Variants in OTOG observed in about 807,000 individuals in gnomAD.
OTOG encodes otogelin.
In OTOG, 296 loss-of-function variants were observed where a neutral mutation model predicts 313.8. The ratio of observed to expected loss-of-function variants is 0.94; its 90% confidence interval spans 0.86 to 1.04. The LOEUF (loss-of-function observed/expected upper bound fraction) is 1.04. Among genes scored for constraint, OTOG ranks in the 50% least tolerant of loss-of-function variants. OTOG has a pLI of 0.00. For missense variants in OTOG, 3,948 were observed against 3,840.1 expected, an observed-to-expected ratio of 1.03 and a Z score of -0.74; for synonymous variants, 1,533 against 1,554.9, an observed-to-expected ratio of 0.99 and a Z score of 0.33.
At position 17,602,393 on chromosome 11, in the gene OTOG, G is replaced by C. The variant is rs1446704842; in HGVS notation, c.3877+16G>C. On this transcript the variant is annotated intron_variant, in intron 32 of 55. Transcript: ENST00000399397. Reference sequence around the variant, plus strand: ...AAGGCCCATGGTAAGGCCCATCCCAGTCCCACTCCAGCTCTTCTGGGAGGC... The same window carrying C: ...AAGGCCCATGGTAAGGCCCATCCCACTCCCACTCCAGCTCTTCTGGGAGGC... 1 of 1,545,162 alleles carries C rather than the reference G, an allele frequency of 6.5e-7. No individual in the cohort carries two copies. The highest frequency in any genetic ancestry group is 1.4e-5 in the African/African-American group (1 of 73,062).
At chr11:17,615,383 T>G (rs1590045157) in intron 39 of OTOG, among the ~76,000 whole-genome samples, 3 of 152,350 alleles carry the variant, frequency 2.0e-5, no homozygotes, top group Non-Finnish European at 4.4e-5. Flanking sequence ...TTTTTTCTTT[T>G]ATGAATCATG....
chr11:17,617,142 A>G (rs1853740867), intron 39 of OTOG, among the ~76,000 whole-genome samples: 1 of 152,032 alleles, frequency 6.6e-6, no homozygotes. Context: ...CACATTATTA[A>G]TTTGATGAAT....
intron 42 of OTOG, among the ~76,000 whole-genome samples, chr11:17,632,862 A>C (rs1854164227): frequency 6.6e-6 from 1 of 152,204 alleles, no homozygotes; most frequent in Non-Finnish European, 1.5e-5. Flanking sequence ...CAAGTAAAAG[A>C]GGAAAAGACA....
At chr11:17,547,886 A>C in intron 1 of OTOG, 41 bp from the exon 2 acceptor site, 1 of 443,266 alleles carries the variant, frequency 2.3e-6, no homozygotes, top group Non-Finnish European at 4.0e-6. Flanking sequence ...GCCCCAGTAA[A>C]GACAAGCACA....
At chr11:17,595,488 G>A (rs956884929) in intron 28 of OTOG, among the ~76,000 whole-genome samples, 2 of 152,134 alleles carry the variant, frequency 1.3e-5, no homozygotes, top group African/African-American at 4.8e-5. Context: ...GTCAGGACAC[G>A]GCCTGACTTG....
chr11:17,604,753 T>C (rs1282735821), intron 32 of OTOG, among the ~76,000 whole-genome samples: 5 of 152,234 alleles, frequency 3.3e-5, no homozygotes, highest in African/African-American at 9.6e-5. Flanking sequence ...CAGTAAATAT[T>C]TGCTGCTGAA....
rs1851949233 is a variant in OTOG at position 17,552,083 on chromosome 11, G to A, written c.292+8G>A. 5 of 1,550,218 alleles carry A rather than the reference G, an allele frequency of 3.2e-6. No individual in the cohort carries two copies. Among genetic ancestry groups the A allele is most frequent in the Non-Finnish European group, 4.4e-6 (5 of 1,146,624 alleles). On this transcript the variant is annotated splice_region_variant and intron_variant, in intron 4 of 55. Coordinates refer to ENST00000399397, the MANE Select transcript of OTOG (RefSeq NM_001292063.2). ...CCAAGTGTGCACCATCCTGTAAGTG[G>A]CACCTTCACTGTGGTCCATGGGTTG...
chr11:17,603,968 G>A (rs920488234), intron 32 of OTOG, among the ~76,000 whole-genome samples: 2 of 152,116 alleles, frequency 1.3e-5, no homozygotes, highest in Non-Finnish European at 2.9e-5. Flanking sequence ...TGTTCTAAGC[G>A]CTTCATGTAT....
In OTOG at chr11:17,572,185, C is replaced by T. The variant is rs370567684; in HGVS notation, c.2061C>T (p.Cys687=). 1.6e-5 allele frequency: 25 copies of T among 1,550,284 alleles called. No homozygotes were observed. The African/African-American group carries it at 1.9e-4, about 12-fold the overall frequency. Reference sequence around the variant, plus strand: ...TCTCTGGCTCCCCTCTGGACCCCTGCGATGTGCACCTGCAAGCCGGTGAGT... The same window carrying T: ...TCTCTGGCTCCCCTCTGGACCCCTGTGATGTGCACCTGCAAGCCGGTGAGT... ...PLVSGSPLDP[C]DVHLQAASYS... Residue 687 remains cysteine (C), a synonymous_variant, in exon 18 of 56, where the codon TGC becomes TGT. Coordinates refer to ENST00000399397, the MANE Select transcript of OTOG (RefSeq NM_001292063.2).
rs747646764 is a variant in OTOG, at chr11:17,558,540, C to A, written c.999C>A (p.Gly333=). The change falls in exon 10 of 56, where the codon GGC becomes GGA. Residue 333 remains glycine, a splice_region_variant and synonymous_variant. Coordinates refer to ENST00000399397, the MANE Select transcript of OTOG (RefSeq NM_001292063.2). ...CLQQNPGTMQ[G]VYEQCEALLR... is the part of the protein sequence containing the mutation. ...TGGCTCCTGGTCCCTTGCTCTAGGG[C>A]GTGTACGAGCAGTGTGAGGCTCTAC... The A allele has an allele frequency of 6.4e-7, 1 of 1,550,456 alleles. No individual in the cohort carries two copies. The highest frequency in any genetic ancestry group is 8.7e-7 in the Non-Finnish European group (1 of 1,146,996).
chr11:17,613,605 T>C lies in OTOG; in HGVS notation c.6439-7T>C, dbSNP rs1853651450. On this transcript the variant is annotated splice_region_variant and splice_polypyrimidine_tract_variant and intron_variant, in intron 38 of 55. Transcript: ENST00000399397. ...CCAAGTTGATGAGGGCTGGGTTCTC[T>C]CTGCAGGGGCACCTGAACTGGCCCC... is the stretch of plus-strand genomic sequence containing the variant. 6.5e-7 allele frequency: 1 copy of C among 1,550,348 alleles called. No individual in the cohort carries two copies.
Position 17,548,185 on chromosome 11 carries a change from G to A in OTOG, c.189G>A (p.Gly63=). Residue 63 remains glycine (G), a synonymous_variant, in exon 3 of 56, where the codon GGG becomes GGA. Transcript: ENST00000399397. ...SSHQEATLAM[G]DKATVVGGQQ... ...ACCAGGAGGCGACCCTTGCCATGGG[G>A]GACAAGGCTACAGTCGTGGGAGGCC... 1.5e-5 allele frequency: 23 copies of A among 1,548,330 alleles called. No homozygotes were observed. Among genetic ancestry groups the A allele is most frequent in the Non-Finnish European group, 2.0e-5 (23 of 1,145,750 alleles).
chr11:17,588,335 G>C (rs1219802224), intron 24 of OTOG, among the ~76,000 whole-genome samples: 1 of 152,170 alleles, frequency 6.6e-6, no homozygotes, highest in South Asian at 2.1e-4. Flanking sequence ...GTGTTGCGCT[G>C]GTGTGACTCG....
chr11:17,586,516 C>T lies in OTOG; in HGVS notation c.2802C>T (p.Cys934=). 3.4e-6 allele frequency: 5 copies of T among 1,453,392 alleles called. No homozygotes were observed. The highest frequency in any genetic ancestry group is 4.6e-6 in the Non-Finnish European group (5 of 1,098,156). 90.0% of individuals were successfully genotyped at this position (1,453,392 alleles called of 1,614,324 possible). Residue 934 remains cysteine (C), a synonymous_variant, in exon 24 of 56, where the codon TGC becomes TGT. Coordinates refer to ENST00000399397, the MANE Select transcript of OTOG (RefSeq NM_001292063.2). Reference sequence around the variant, plus strand: ...ATGCATGTTTCCTGCCAGAGGAGTGCCCCTGCACTTGGAAGGGGAAGGAGT... The same window carrying T: ...ATGCATGTTTCCTGCCAGAGGAGTGTCCCTGCACTTGGAAGGGGAAGGAGT... ...HGDACFLPEE[C]PCTWKGKEYF...
intron 22 of OTOG, among the ~76,000 whole-genome samples, chr11:17,577,323 G>C (rs945419367): frequency 1.3e-5 from 2 of 152,160 alleles, no homozygotes; most frequent in African/African-American, 2.4e-5. Flanking sequence ...AGGACAGCCT[G>C]GGCTTTTGAG....
chr11:17,576,744 A>G, intron 21 of OTOG, 114 bp downstream of exon 21: 1 of 1,450,422 alleles, frequency 6.9e-7, no homozygotes, highest in Non-Finnish European at 9.5e-7. Context: ...TGCTCTGTGC[A>G]GGGAGGGGGA....
intron 24 of OTOG, among the ~76,000 whole-genome samples, chr11:17,588,313 G>C (rs1852852550): frequency 6.6e-6 from 1 of 152,202 alleles, no homozygotes; most frequent in Non-Finnish European, 1.5e-5. Context: ...TGGGGAGGCA[G>C]GTGCTGGAGA....
chr11:17,598,826 G>A (rs1195170807), intron 30 of OTOG, among the ~76,000 whole-genome samples: 1 of 152,208 alleles, frequency 6.6e-6, no homozygotes, highest in African/African-American at 2.4e-5. Flanking sequence ...GGAGGGAGAG[G>A]CAGGCACGTG....
In OTOG at chr11:17,643,550, G is replaced by A. The variant is rs140452780; in HGVS notation, c.8461+44G>A. 1.0e-4 allele frequency: 137 copies of A among 1,322,566 alleles called. No individual in the cohort carries two copies. The African/African-American group carries it at 1.9e-3, about 18-fold the overall frequency. The allele number at this position is 1,322,566 out of a possible 1,614,324, so 81.9% of individuals were successfully genotyped here. The stretch of plus-strand genomic sequence containing the variant: ...GGCCCAGGGGTGGGGGGCTCTGATG[G>A]GGGCACAGGGTGTCATGTCAGGGGA... On this transcript the variant is annotated intron_variant, in intron 54 of 55. Coordinates refer to ENST00000399397, the MANE Select transcript of OTOG (RefSeq NM_001292063.2).
Sources: allele counts gnomAD v4.1 joint callset (sites outside exome capture counted in the v4.1 genomes callset), GRCh38; gene constraint gnomAD v4.1.1; transcripts MANE v1.5; gene names NCBI Gene and HGNC (gene_info 2026-07-23, HGNC 2026-07-21).